Variants in FNDC3A observed in about 807,000 individuals in gnomAD.
The protein encoded by FNDC3A is fibronectin type-III domain-containing protein 3A.
In FNDC3A, 32 loss-of-function variants were observed where a neutral mutation model predicts 148.9. That is an observed-to-expected ratio of 0.21 (90% CI 0.16 to 0.29). FNDC3A has a LOEUF of 0.29. FNDC3A is among the 10% of genes least tolerant of loss of function. The pLI is 1.00. For missense variants in FNDC3A, 1,191 were observed against 1,452.8 expected (o/e 0.82, Z 2.93); for synonymous variants, 472 against 473.6 (o/e 1.00, Z 0.04).
intron 2 of FNDC3A, chr13:49,045,315 A>ACCTG: frequency 6.2e-6 from 1 of 160,808 alleles, no homozygotes; most frequent in Non-Finnish European, 1.3e-5. Context: ...CACCACGGCC[A>ACCTG]GCTAATTTTT....
intron 4 of FNDC3A, among the ~76,000 whole-genome samples, chr13:49,130,875 T>TCTC: frequency 6.6e-6 from 1 of 152,020 alleles, no homozygotes; most frequent in East Asian, 1.9e-4. Context: ...TTCAAGCAAT[T>TCTC]CTGCCTCAGC....
rs529833580 is a variant in FNDC3A, at chr13:49,137,393, G to A, written c.760+792G>A. 5.3e-5 allele frequency among the ~76,000 whole-genome samples: 8 copies of A among 152,294 alleles called. No homozygotes were observed. In the East Asian group the frequency reaches 1.5e-3, roughly 29 times the overall value. On this transcript the variant is annotated intron_variant, in intron 6 of 25. Transcript: ENST00000492622. Reference sequence around the variant, plus strand: ...CAAGTCTCGCTCTGTCACCCAGGCTGGAATGCAGTGGCGCAATGTCAGCTC... The same window carrying A: ...CAAGTCTCGCTCTGTCACCCAGGCTAGAATGCAGTGGCGCAATGTCAGCTC...
intron 14 of FNDC3A, among the ~76,000 whole-genome samples, chr13:49,180,281 A>C (rs1885238429): frequency 6.6e-6 from 1 of 152,218 alleles, no homozygotes; most frequent in South Asian, 2.1e-4. Context: ...TAAATGATAA[A>C]AGCCACTGTA....
chr13:49,191,902 C>G (rs906714167), intron 19 of FNDC3A, among the ~76,000 whole-genome samples: 1 of 152,090 alleles, frequency 6.6e-6, no homozygotes, highest in Non-Finnish European at 1.5e-5. Context: ...TAATATATAA[C>G]TCCAAAAAGT....
At position 49,127,218 on chromosome 13, in the gene FNDC3A, T is replaced by G. The variant is rs140705484; in HGVS notation, c.253-3919T>G. ...TTCTCTCTTCTGTGTTATCAATTTC[T>G]TGTTCTCTGCTAGATTATTTTCATT... On this transcript the variant is annotated intron_variant, in intron 4 of 25. Coordinates refer to ENST00000492622, the MANE Select transcript of FNDC3A (RefSeq NM_001079673.2). Among the ~76,000 whole-genome samples, 80 of 152,370 alleles carry G rather than the reference T, an allele frequency of 5.3e-4. No homozygotes were observed. In the East Asian group the frequency reaches 0.015, roughly 29 times the overall value.
intron 2 of FNDC3A, among the ~76,000 whole-genome samples, chr13:49,074,702 G>A (rs1217711250): frequency 6.6e-6 from 1 of 152,084 alleles, no homozygotes; most frequent in Non-Finnish European, 1.5e-5. Flanking sequence ...ATCCTGTGCA[G>A]CATAAGAAGT....
At chr13:49,150,952 A>C (rs1883255410) in intron 8 of FNDC3A, among the ~76,000 whole-genome samples, 1 of 151,972 alleles carries the variant, frequency 6.6e-6, no homozygotes, top group South Asian at 2.1e-4. Context: ...TCAAAAAAAA[A>C]AAAAAAAAAA....
In FNDC3A at chr13:49,209,132, T is replaced by A. The variant is rs1886783603; in HGVS notation, c.*1737T>A. On this transcript the variant is annotated 3_prime_UTR_variant, in exon 26 of 26. Coordinates refer to ENST00000492622, the MANE Select transcript of FNDC3A (RefSeq NM_001079673.2). The stretch of plus-strand genomic sequence containing the variant: ...CCCCAGAAACAACAGTGATTGCGAT[T>A]GTTTTCTAGAAACTTCTTTAAAGTG... The A allele has an allele frequency of 6.6e-6, 1 of 152,610 alleles. No homozygotes were observed. Among genetic ancestry groups the A allele is most frequent in the East Asian group, 1.9e-4 (1 of 5,202 alleles). 9.5% of individuals were successfully genotyped at this position (152,610 alleles called of 1,614,324 possible).
At chr13:49,133,731 A>C (rs1882169267) in intron 5 of FNDC3A, among the ~76,000 whole-genome samples, 1 of 152,198 alleles carries the variant, frequency 6.6e-6, no homozygotes, top group African/African-American at 2.4e-5. Context: ...TTTCAATAAA[A>C]TTCTGCAAAA....
chr13:49,162,015 C>T (rs1408507948), intron 8 of FNDC3A, among the ~76,000 whole-genome samples: 1 of 152,138 alleles, frequency 6.6e-6, no homozygotes, highest in Non-Finnish European at 1.5e-5. Context: ...GGTAACCCGA[C>T]CTTTCTCTCT....
chr13:49,040,071 C>T (rs1233936278), intron 2 of FNDC3A, among the ~76,000 whole-genome samples: 1 of 152,144 alleles, frequency 6.6e-6, no homozygotes, highest in Admixed American at 6.5e-5. Context: ...TCGTAGGACA[C>T]TTGTAAGAAT....
At chr13:49,096,921 A>G (rs1012060545) in intron 3 of FNDC3A, among the ~76,000 whole-genome samples, 1 of 152,120 alleles carries the variant, frequency 6.6e-6, no homozygotes, top group Non-Finnish European at 1.5e-5. Context: ...TAAATAGAAA[A>G]GTATCTTCGA....
At chr13:49,142,349 C>T (rs997064938) in intron 7 of FNDC3A, among the ~76,000 whole-genome samples, 5 of 152,278 alleles carry the variant, frequency 3.3e-5, no homozygotes, top group African/African-American at 7.2e-5. Context: ...TTGTTTCCGT[C>T]GGTAAACACT....
At chr13:49,019,400 A>G (rs972054167) in intron 2 of FNDC3A, among the ~76,000 whole-genome samples, 5 of 152,190 alleles carry the variant, frequency 3.3e-5, no homozygotes, top group Admixed American at 3.3e-4. Flanking sequence ...TTTGACTAGG[A>G]AAGGGAACTC....
intron 3 of FNDC3A, among the ~76,000 whole-genome samples, chr13:49,091,620 A>T (rs1879197024): frequency 6.6e-6 from 1 of 152,148 alleles, no homozygotes; most frequent in Admixed American, 6.5e-5. Context: ...GCAGCTGTTC[A>T]CTTTTGGGTG....
chr13:49,067,306 C>T (rs1483140741), intron 2 of FNDC3A, among the ~76,000 whole-genome samples: 2 of 152,136 alleles, frequency 1.3e-5, no homozygotes, highest in Non-Finnish European at 2.9e-5. Context: ...AACATTAGAG[C>T]AGTGTCTTTC....
chr13:49,163,093 C>T (rs1884254549), intron 8 of FNDC3A, among the ~76,000 whole-genome samples: 1 of 152,190 alleles, frequency 6.6e-6, no homozygotes, highest in Non-Finnish European at 1.5e-5. Flanking sequence ...GGTCTGGGAC[C>T]CACTTGAGGA....
At chr13:48,997,914 A>G (rs1272973165) in intron 1 of FNDC3A, among the ~76,000 whole-genome samples, 1 of 151,628 alleles carries the variant, frequency 6.6e-6, no homozygotes, top group Admixed American at 6.6e-5. Flanking sequence ...AAAAAAAAAA[A>G]TGCTGAGATT....
At chr13:49,028,812 A>C (rs977804768) in intron 2 of FNDC3A, among the ~76,000 whole-genome samples, 1 of 152,204 alleles carries the variant, frequency 6.6e-6, no homozygotes. Flanking sequence ...AATAGGTAGA[A>C]TATTAACAGG....
Sources: allele counts gnomAD v4.1 joint callset (sites outside exome capture counted in the v4.1 genomes callset), GRCh38; gene constraint gnomAD v4.1.1; transcripts MANE v1.5; gene names NCBI Gene and HGNC (gene_info 2026-07-23, HGNC 2026-07-21).